Variants in EYS observed in about 807,000 individuals in gnomAD.
EYS encodes protein eyes shut homolog.
In EYS, 250 loss-of-function variants were observed where a neutral mutation model predicts 282.1. The ratio of observed to expected loss-of-function variants is 0.89; its 90% CI spans 0.80 to 0.98. EYS has a LOEUF of 0.98. Among genes scored for constraint, EYS ranks in the 50% least tolerant of loss-of-function variants. The pLI is 0.00. For synonymous variants in EYS, 1,355 were observed against 1,282.9 expected (o/e 1.06, Z -1.20); for missense variants, 4,016 against 3,709.0 (o/e 1.08, Z -2.15).
At chr6:64,894,298 A>T (rs367619752) in intron 18 of EYS, among the ~76,000 whole-genome samples, 32 of 152,210 alleles carry the variant, frequency 2.1e-4, no homozygotes, top group African/African-American at 7.7e-4. Flanking sequence ...ATTACAATAG[A>T]TCTAAGAATG....
At chr6:64,354,036 G>C (rs1771737413) in intron 29 of EYS, among the ~76,000 whole-genome samples, 1 of 151,516 alleles carries the variant, frequency 6.6e-6, no homozygotes, top group South Asian at 2.1e-4. Flanking sequence ...TGCTCTTGTT[G>C]GTGGCAGAAA....
intron 2 of EYS, among the ~76,000 whole-genome samples, chr6:65,584,198 G>T (rs1176916837): frequency 1.3e-5 from 2 of 151,982 alleles, no homozygotes; most frequent in Non-Finnish European, 2.9e-5. Flanking sequence ...TGGAAAATAG[G>T]TAGGTTGTAT....
At chr6:64,498,263 A>G (rs1192779426) in intron 26 of EYS, among the ~76,000 whole-genome samples, 2 of 152,144 alleles carry the variant, frequency 1.3e-5, no homozygotes, top group Non-Finnish European at 2.9e-5. Flanking sequence ...ATACAATTTT[A>G]TAGATGAGAA....
intron 24 of EYS, among the ~76,000 whole-genome samples, chr6:64,610,159 G>A (rs1210520185): frequency 6.6e-6 from 1 of 151,900 alleles, no homozygotes; most frequent in East Asian, 1.9e-4. Context: ...GAAGAAACAG[G>A]CTCAGAGAAT....
intron 29 of EYS, among the ~76,000 whole-genome samples, chr6:64,337,885 A>G (rs572152959): frequency 5.3e-5 from 8 of 152,240 alleles, no homozygotes; most frequent in African/African-American, 1.9e-4. Flanking sequence ...ACATCACATG[A>G]TCATCTCAAT....
intron 1 of EYS, among the ~76,000 whole-genome samples, chr6:65,700,329 C>T (rs1428110415): frequency 6.6e-6 from 1 of 151,722 alleles, no homozygotes; most frequent in African/African-American, 2.4e-5. Context: ...AAGAGGGAAG[C>T]ATTTTAATGA....
At chr6:64,314,772 C>T (rs914189259) in intron 29 of EYS, among the ~76,000 whole-genome samples, 1 of 152,116 alleles carries the variant, frequency 6.6e-6, no homozygotes, top group Admixed American at 6.6e-5. Context: ...ACATTTAAAG[C>T]AGTGTGTAGA....
chr6:64,925,443 T>G (rs1024916697), intron 15 of EYS, among the ~76,000 whole-genome samples: 4 of 152,132 alleles, frequency 2.6e-5, no homozygotes, highest in Non-Finnish European at 5.9e-5. Flanking sequence ...GCTTCTCAAA[T>G]GCTCATTGTG....
chr6:63,852,641 C>A (rs910957982), intron 36 of EYS, among the ~76,000 whole-genome samples: 1 of 152,136 alleles, frequency 6.6e-6, no homozygotes, highest in Non-Finnish European at 1.5e-5. Context: ...ATGAGGCTAG[C>A]ATCATCCTGA....
intron 30 of EYS, among the ~76,000 whole-genome samples, chr6:64,244,875 C>T (rs748847416): frequency 3.3e-5 from 5 of 152,062 alleles, no homozygotes; most frequent in African/African-American, 4.8e-5. Flanking sequence ...ATGTGCACAA[C>T]GTGCAGGTTT....
chr6:63,826,845 C>CAAAAAAAAAAAAAAAAAAGAAAAA (rs1771475758), intron 36 of EYS, among the ~76,000 whole-genome samples: 13 of 76,740 alleles, frequency 1.7e-4, no homozygotes, highest in East Asian at 8.3e-4. Flanking sequence ...AGTTAAAAAG[C>CAAAAAAAAAAAAAAAAAAGAAAAA]AAAAAAAAAA....
chr6:64,915,122 C>T (rs1768119104), intron 15 of EYS, among the ~76,000 whole-genome samples: 1 of 151,934 alleles, frequency 6.6e-6, no homozygotes, highest in Non-Finnish European at 1.5e-5. Context: ...TTTTAAAAAT[C>T]TTTATCTCCT....
At chr6:64,265,469 ACTC>A (rs747576307) in intron 30 of EYS, among the ~76,000 whole-genome samples, 4 of 151,934 alleles carry the variant, frequency 2.6e-5, no homozygotes, top group Admixed American at 1.3e-4. Flanking sequence ...AGTTTCTTGA[ACTC>A]CTCCTGGTCC....
intron 29 of EYS, among the ~76,000 whole-genome samples, chr6:64,356,876 T>C (rs544193620): frequency 1.3e-5 from 2 of 151,700 alleles, no homozygotes; most frequent in African/African-American, 2.4e-5. Context: ...AGCAGAGAAT[T>C]TGGTGAGCTG....
intron 15 of EYS, among the ~76,000 whole-genome samples, chr6:64,923,236 A>C (rs1330186932): frequency 6.6e-6 from 1 of 152,150 alleles, no homozygotes; most frequent in Non-Finnish European, 1.5e-5. Context: ...TATGTCTTAC[A>C]TGGTGGTGGC....
At chr6:65,273,843 G>A (rs1388384139) in intron 12 of EYS, among the ~76,000 whole-genome samples, 4 of 152,142 alleles carry the variant, frequency 2.6e-5, no homozygotes, top group Non-Finnish European at 5.9e-5. Context: ...AATCCACTGA[G>A]CCAGTGCGTA....
At chr6:64,054,316 A>AT (rs1770910613) in intron 33 of EYS, among the ~76,000 whole-genome samples, 1 of 152,168 alleles carries the variant, frequency 6.6e-6, no homozygotes, top group Non-Finnish European at 1.5e-5. Flanking sequence ...TGCAGAAAGC[A>AT]TAAGGTACAA....
intron 2 of EYS, among the ~76,000 whole-genome samples, chr6:65,620,482 G>T (rs1766430777): frequency 6.6e-6 from 1 of 151,300 alleles, no homozygotes; most frequent in African/African-American, 2.4e-5. Context: ...TCTCAATTTT[G>T]TTGATCGTTT....
At chr6:63,900,125 G>A (rs1427477481) in intron 35 of EYS, among the ~76,000 whole-genome samples, 1 of 151,826 alleles carries the variant, frequency 6.6e-6, no homozygotes, top group Non-Finnish European at 1.5e-5. Context: ...TTTTTTACCT[G>A]CTACTTCTTT....
Sources: allele counts gnomAD v4.1 joint callset (sites outside exome capture counted in the v4.1 genomes callset), GRCh38; gene constraint gnomAD v4.1.1; transcripts MANE v1.5; gene names NCBI Gene and HGNC (gene_info 2026-07-23, HGNC 2026-07-21).